PILRA: variants seen among roughly 807,000 people sequenced by gnomAD.
PILRA encodes paired immunoglobulin-like type 2 receptor alpha.
In PILRA, 37 loss-of-function variants were observed where a neutral mutation model predicts 33.1. The ratio of observed to expected loss-of-function variants is 1.12; its 90% CI spans 0.86 to 1.47. The LOEUF is 1.47. PILRA is among the 40% of genes most tolerant of loss of function. The pLI, the probability that PILRA is intolerant of heterozygous loss-of-function variation, is 0.00. For missense variants in PILRA, 312 were observed against 376.2 expected (o/e 0.83, Z 1.41); for synonymous variants, 146 against 149.9 (o/e 0.97, Z 0.19).
At chr7:100,386,214 TA>T (rs892240323) in intron 2 of PILRA, among the ~76,000 whole-genome samples, 5 of 152,168 alleles carry the variant, frequency 3.3e-5, no homozygotes, top group African/African-American at 1.2e-4. Context: ...TCTGGCCATT[TA>T]AAAAAATTTT....
chr7:100,391,263 G>A (rs1278859077), intron 3 of PILRA, among the ~76,000 whole-genome samples: 2 of 150,734 alleles, frequency 1.3e-5, no homozygotes, highest in African/African-American at 4.9e-5. Context: ...GCTGAGATGT[G>A]AGGATTGCTT....
rs143415875 is a variant in PILRA, at chr7:100,379,929, T to A, written c.454+5496T>A. 2.1e-3 allele frequency among the ~76,000 whole-genome samples: 313 copies of A among 152,274 alleles called. 2 individuals are homozygous for A. Among genetic ancestry groups the A allele is most frequent in the African/African-American group, 7.2e-3 (300 of 41,540 alleles). On this transcript the variant is annotated intron_variant, in intron 2 of 6. Coordinates refer to ENST00000198536, the MANE Select transcript of PILRA (RefSeq NM_013439.3). ...GCCAGTGTTGGGAAACCCAGATGAA[T>A]GGCAATTTATACCACAAAACTCTGT...
At chr7:100,373,157 G>A (rs541990319), upstream of PILRA, among the ~76,000 whole-genome samples, 8 of 152,220 alleles carry the variant, frequency 5.3e-5, no homozygotes, top group Admixed American at 2.6e-4. Context: ...GACCTCCACC[G>A]GCTTCCTTCT....
chr7:100,378,185 TAA>T (rs768016679), intron 2 of PILRA, among the ~76,000 whole-genome samples: 42 of 133,732 alleles, frequency 3.1e-4, no homozygotes, highest in Non-Finnish European at 3.4e-4. Context: ...CCCCCATCTC[TAA>T]AAAAAAAAAA....
At chr7:100,378,590 G>C (rs1357584913) in intron 2 of PILRA, among the ~76,000 whole-genome samples, 3 of 151,918 alleles carry the variant, frequency 2.0e-5, no homozygotes, top group African/African-American at 7.3e-5. Flanking sequence ...AATCTTGGTA[G>C]TATTCTGCCA....
chr7:100,383,879 C>T (rs934371648), intron 2 of PILRA, among the ~76,000 whole-genome samples: 5 of 152,102 alleles, frequency 3.3e-5, no homozygotes, highest in Non-Finnish European at 7.4e-5. Context: ...TCAGGTGATC[C>T]GCCTGCCTCG....
At chr7:100,391,577 C>T (rs2130223937) in intron 3 of PILRA, among the ~76,000 whole-genome samples, 1 of 152,298 alleles carries the variant, frequency 6.6e-6, no homozygotes, top group Admixed American at 6.5e-5. Flanking sequence ...GTCCCAGCTA[C>T]TCCAGAGGCT....
intron 2 of PILRA, 150 bp downstream of exon 2, chr7:100,374,583 C>T: frequency 1.2e-6 from 1 of 829,736 alleles, no homozygotes. Flanking sequence ...AGGCCTTTGC[C>T]ACCTCTCCCC....
chr7:100,380,982 AAAAC>A (rs899330602), intron 2 of PILRA, among the ~76,000 whole-genome samples: 1 of 150,594 alleles, frequency 6.6e-6, no homozygotes, highest in Non-Finnish European at 1.5e-5. Flanking sequence ...AAAAAAAACA[AAAAC>A]AAAAACACGG....
chr7:100,382,652 C>CT, intron 2 of PILRA, among the ~76,000 whole-genome samples: 1 of 152,332 alleles, frequency 6.6e-6, no homozygotes, highest in African/African-American at 2.4e-5. Flanking sequence ...TAAAAGCAGG[C>CT]TGCCCCCCTG....
chr7:100,378,804 C>T (rs1791011018), intron 2 of PILRA, among the ~76,000 whole-genome samples: 1 of 152,092 alleles, frequency 6.6e-6, no homozygotes, highest in African/African-American at 2.4e-5. Context: ...AAAAGTAATG[C>T]ATAGGCAGCC....
chr7:100,372,281 C>T (rs1321951771), upstream of PILRA, among the ~76,000 whole-genome samples: 1 of 151,572 alleles, frequency 6.6e-6, no homozygotes, highest in Non-Finnish European at 1.5e-5. Context: ...GAACCTGTTT[C>T]CTCAGGCCTG....
At position 100,389,901 on chromosome 7, in the gene PILRA, C is replaced by T. The variant is rs529100225; in HGVS notation, c.468C>T (p.Thr156=). 6.2e-7 allele frequency: 1 copy of T among 1,613,928 alleles called. No individual in the cohort carries two copies. Among genetic ancestry groups the T allele is most frequent in the African/African-American group, 1.3e-5 (1 of 74,966 alleles). ...KLSITQAVTT[T]TQRPSSMTTT... ...ATCTCTCCCCAGCTGTCACGACCAC[C>T]ACCCAGAGGCCCAGCAGCATGACTA... Residue 156 remains threonine (T), a synonymous_variant, in exon 3 of 7, where the codon ACC becomes ACT. Coordinates refer to ENST00000198536, the MANE Select transcript of PILRA (RefSeq NM_013439.3).
At chr7:100,386,084 C>T (rs1791246736) in intron 2 of PILRA, among the ~76,000 whole-genome samples, 1 of 152,034 alleles carries the variant, frequency 6.6e-6, no homozygotes, top group African/African-American at 2.4e-5. Flanking sequence ...CACGTGTCAC[C>T]ATGCCCACCT....
chr7:100,386,548 C>G (rs1791258982), intron 2 of PILRA, among the ~76,000 whole-genome samples: 1 of 151,966 alleles, frequency 6.6e-6, no homozygotes, highest in African/African-American at 2.4e-5. Context: ...GACAGGGTCT[C>G]TCTCTGTTGC....
chr7:100,393,834 A>G (rs1439157983), intron 3 of PILRA, among the ~76,000 whole-genome samples: 3 of 152,038 alleles, frequency 2.0e-5, no homozygotes, highest in Non-Finnish European at 4.4e-5. Context: ...AAAAAAAAAT[A>G]CTATGCCTCA....
chr7:100,389,825 G>A lies in PILRA; in HGVS notation c.455-63G>A, dbSNP rs1002579869. 6.5e-6 allele frequency: 9 copies of A among 1,387,112 alleles called. No homozygotes were observed. In the East Asian group the frequency reaches 9.1e-5, roughly 14 times the overall value. The allele number at this position is 1,387,112 out of a possible 1,614,324, so 85.9% of individuals were successfully genotyped here. ...CCCAACCTAGAAAGCAGCACACCAC[G>A]CCTTTCACCCAGACACCCTGTGCCC... On this transcript the variant is annotated intron_variant, in intron 2 of 6. Coordinates refer to ENST00000198536, the MANE Select transcript of PILRA (RefSeq NM_013439.3).
intron 2 of PILRA, among the ~76,000 whole-genome samples, chr7:100,387,809 A>C (rs566851716): frequency 3.7e-4 from 56 of 152,288 alleles, no homozygotes; most frequent in African/African-American, 1.3e-3. Context: ...TAGGTTTGCT[A>C]GTCTTGTCTA....
chr7:100,382,746 G>A (rs1033740116), intron 2 of PILRA, among the ~76,000 whole-genome samples: 1 of 152,122 alleles, frequency 6.6e-6, no homozygotes, highest in Non-Finnish European at 1.5e-5. Context: ...AAGTCTTGCT[G>A]CTGCTTGCTC....
Sources: gnomAD v4.1 joint callset for allele counts (sites outside exome capture counted in the v4.1 genomes callset) on GRCh38, gnomAD v4.1.1 for gene constraint, MANE v1.5 for transcripts, NCBI Gene and HGNC (gene_info 2026-07-23, HGNC 2026-07-21) for gene names.